ECT2L: variants seen among roughly 807,000 people sequenced by gnomAD.
ECT2L encodes the protein epithelial cell transforming 2 like.
Under a neutral mutation model 122.8 loss-of-function variants are expected in ECT2L, and 126 were observed. The ratio of observed to expected loss-of-function variants is 1.03; its 90% confidence interval spans 0.89 to 1.19. ECT2L has a LOEUF of 1.19. ECT2L is among the 50% of genes most tolerant of loss of function. ECT2L has a pLI of 0.00. For synonymous variants in ECT2L, 385 were observed against 381.8 expected (o/e 1.01, Z -0.10); for missense variants, 1,012 against 1,064.1 (o/e 0.95, Z 0.68).
At chr6:138,817,259 G>C (rs966927390) in intron 4 of ECT2L, among the ~76,000 whole-genome samples, 1 of 152,090 alleles carries the variant, frequency 6.6e-6, no homozygotes, top group African/African-American at 2.4e-5. Flanking sequence ...TCCAAGTTTT[G>C]CATAGAGATG....
Position 138,874,049 on chromosome 6 carries a change from G to A in ECT2L, c.1579-2423G>A, listed in dbSNP as rs149692785. On this transcript the variant is annotated intron_variant, in intron 13 of 21. Coordinates refer to ENST00000541398, the MANE Select transcript of ECT2L (RefSeq NM_001077706.3). The stretch of plus-strand genomic sequence containing the variant: ...CATGCAACCATGGTGATGGCTGCCC[G>A]CCAGAATTATAGTTGTTCCTGAACT... 5.5e-3 allele frequency among the ~76,000 whole-genome samples: 844 copies of A among 152,112 alleles called. 6 individuals carry two copies. The highest frequency in any genetic ancestry group is 0.019 in the African/African-American group (804 of 41,490).
chr6:138,799,526 A>G (rs1446240295), intron 1 of ECT2L, among the ~76,000 whole-genome samples: 1 of 151,538 alleles, frequency 6.6e-6, no homozygotes, highest in Non-Finnish European at 1.5e-5. Flanking sequence ...AAGTGCTGGG[A>G]TTGCAGGCGT....
rs1184336156 is a variant in ECT2L, at chr6:138,868,202, AT to A, written c.1576del (p.Ser526LeufsTer6). 1 of 1,610,310 alleles carries A rather than the reference AT, an allele frequency of 6.2e-7. No homozygotes were observed. Among genetic ancestry groups the A allele is most frequent in the East Asian group, 2.2e-5 (1 of 44,830 alleles). The stretch of plus-strand genomic sequence containing the variant: ...GGATTGATGGAGTTGTCAAAAGAAG[AT>A]TCTGTAAGTGTTTCTTTGAAGAAAG... Reference protein sequence around the residue: ...ADGLMELSKEDSERNVVEDNS... With the variant: ...ADGLMELSKEXSERNVVEDNS... On this transcript the variant is annotated frameshift_variant, in exon 13 of 22. Transcript: ENST00000541398. LOFTEE classifies it high-confidence loss of function.
At chr6:138,866,698 A>T (rs980636603) in intron 12 of ECT2L, among the ~76,000 whole-genome samples, 1 of 152,218 alleles carries the variant, frequency 6.6e-6, no homozygotes, top group African/African-American at 2.4e-5. Flanking sequence ...AAATAACTGC[A>T]TGGTGTTAAA....
chr6:138,885,483 A>G, intron 16 of ECT2L, 23 bp from the exon 17 acceptor site: 1 of 1,612,298 alleles, frequency 6.2e-7, no homozygotes. Flanking sequence ...TAAAGTTTTG[A>G]CAATATAATC....
At chr6:138,805,498 GT>G (rs1562449200) in intron 1 of ECT2L, among the ~76,000 whole-genome samples, 1 of 152,146 alleles carries the variant, frequency 6.6e-6, no homozygotes, top group East Asian at 1.9e-4. Flanking sequence ...AATAGGAAAC[GT>G]GTTATTTTTC....
intron 20 of ECT2L, among the ~76,000 whole-genome samples, chr6:138,894,441 AT>A (rs1359583590): frequency 6.6e-6 from 1 of 152,210 alleles, no homozygotes; most frequent in Non-Finnish European, 1.5e-5. Context: ...ACTTGGACAA[AT>A]GAAAATACTT....
At chr6:138,844,732 G>A (rs1452649249) in intron 7 of ECT2L, 152 bp downstream of exon 7, 2 of 659,336 alleles carry the variant, frequency 3.0e-6, no homozygotes, top group African/African-American at 3.7e-5. Flanking sequence ...TTCTAGAACA[G>A]TAGTCAAACA....
intron 12 of ECT2L, among the ~76,000 whole-genome samples, chr6:138,867,082 CAA>C (rs1184413858): frequency 1.5e-5 from 2 of 137,284 alleles, no homozygotes; most frequent in African/African-American, 7.1e-5. Context: ...TCAAAAAAAA[CAA>C]AAAAACAAAA....
chr6:138,818,375 G>A (rs1379121429), intron 4 of ECT2L, among the ~76,000 whole-genome samples: 2 of 152,012 alleles, frequency 1.3e-5, no homozygotes, highest in African/African-American at 4.8e-5. Context: ...TTCTTCCCAC[G>A]CAGCCTGTGA....
chr6:138,818,746 A>G (rs908544651), intron 4 of ECT2L, among the ~76,000 whole-genome samples: 1 of 152,092 alleles, frequency 6.6e-6, no homozygotes, highest in Admixed American at 6.6e-5. Flanking sequence ...TTACTCGAGG[A>G]AACATCAGGG....
chr6:138,884,168 G>A (rs978699337), intron 16 of ECT2L, among the ~76,000 whole-genome samples: 1 of 152,098 alleles, frequency 6.6e-6, no homozygotes, highest in Non-Finnish European at 1.5e-5. Flanking sequence ...GCCAGCCAAT[G>A]TTAGCTATTA....
intron 13 of ECT2L, among the ~76,000 whole-genome samples, chr6:138,868,881 A>G (rs969167501): frequency 1.3e-5 from 2 of 152,196 alleles, no homozygotes; most frequent in African/African-American, 4.8e-5. Flanking sequence ...GGAAAATGCA[A>G]TGTGGCCAGG....
chr6:138,829,252 A>G (rs1035994364), intron 4 of ECT2L, among the ~76,000 whole-genome samples: 4 of 152,268 alleles, frequency 2.6e-5, no homozygotes, highest in Admixed American at 1.3e-4. Flanking sequence ...CATTTCCCCA[A>G]GGAGCCCTGT....
chr6:138,827,786 T>A (rs1281312578), intron 4 of ECT2L, among the ~76,000 whole-genome samples: 1 of 152,204 alleles, frequency 6.6e-6, no homozygotes, highest in East Asian at 1.9e-4. Flanking sequence ...TTCAAACTCC[T>A]GACCTCAGTG....
chr6:138,894,513 A>C (rs1779146767), intron 20 of ECT2L, among the ~76,000 whole-genome samples: 1 of 152,184 alleles, frequency 6.6e-6, no homozygotes, highest in Non-Finnish European at 1.5e-5. Context: ...ATTTATATTT[A>C]AATAGGCACT....
At chr6:138,852,682 T>C (rs1018790528) in intron 9 of ECT2L, among the ~76,000 whole-genome samples, 5 of 152,212 alleles carry the variant, frequency 3.3e-5, no homozygotes, top group Admixed American at 6.5e-5. Context: ...CTGGTTTTCC[T>C]TGTTTAGCTT....
chr6:138,901,116 C>T lies in ECT2L; in HGVS notation c.2583C>T (p.Ser861=), dbSNP rs374734205. Residue 861 remains serine, a synonymous_variant, in exon 21 of 22, where the codon TCC becomes TCT. Transcript: ENST00000541398. ...TACTCATAGAAAATATTCCAGATTC[C>T]AAGTGTATGTATTCTTTTCCTTCCA... The part of the protein sequence containing the change: ...HRLLIENIPD[S]KYVKNAFILQ... 6.2e-7 allele frequency: 1 copy of T among 1,613,708 alleles called. No individual in the cohort carries two copies. Among genetic ancestry groups the T allele is most frequent in the South Asian group, 1.1e-5 (1 of 91,020 alleles).
intron 10 of ECT2L, among the ~76,000 whole-genome samples, chr6:138,857,027 T>G (rs117887704): frequency 6.5e-4 from 99 of 152,274 alleles, no homozygotes; most frequent in South Asian, 2.5e-3. Flanking sequence ...CCTCTTACTT[T>G]TTATTCTCTG....
Sources: gnomAD v4.1 joint callset for allele counts (sites outside exome capture counted in the v4.1 genomes callset) on GRCh38, gnomAD v4.1.1 for gene constraint, MANE v1.5 for transcripts, NCBI Gene and HGNC (gene_info 2026-07-23, HGNC 2026-07-21) for gene names.